The following SIPA1L1 variants were observed in gnomAD, a reference collection of about 807,000 sequenced individuals.
SIPA1L1 encodes the protein signal induced proliferation associated 1 like 1.
A neutral mutation model predicts 162.7 loss-of-function variants in SIPA1L1; 26 were observed. The observed-to-expected ratio is 0.16, with a 90% CI of 0.12 to 0.22. SIPA1L1 has a LOEUF of 0.22. Among genes scored for constraint, SIPA1L1 ranks in the 10% least tolerant of loss-of-function variants. The pLI, the probability that SIPA1L1 is intolerant of heterozygous loss-of-function variation, is 1.00. For missense variants in SIPA1L1, 1,874 were observed against 2,241.0 expected, an observed-to-expected ratio of 0.84 and a Z score of 3.31; for synonymous variants, 829 against 837.4, an observed-to-expected ratio of 0.99 and a Z score of 0.17.
At chr14:71,735,203 C>A in intron 21 of SIPA1L1, 74 bp from the exon 22 acceptor site, 1 of 965,828 alleles carries the variant, frequency 1.0e-6, no homozygotes, top group Non-Finnish European at 1.7e-6. Context: ...CCAACTAGAC[C>A]ACTTGTTGAC....
At chr14:71,467,211 ATTCT>A (rs1460022303) in intron 2 of SIPA1L1, 2 of 152,194 alleles carry the variant, frequency 1.3e-5, no homozygotes, top group African/African-American at 4.8e-5. Context: ...GCACCGTTGG[ATTCT>A]TTGTCGTTCA....
intron 2 of SIPA1L1, among the ~76,000 whole-genome samples, chr14:71,362,297 G>A (rs899286857): frequency 3.3e-5 from 5 of 152,200 alleles, no homozygotes; most frequent in African/African-American, 1.2e-4. Flanking sequence ...TAAAAAATGG[G>A]CAGTTTGATC....
At chr14:71,579,862 A>G (rs530252436) in intron 4 of SIPA1L1, among the ~76,000 whole-genome samples, 3 of 152,354 alleles carry the variant, frequency 2.0e-5, no homozygotes, top group South Asian at 2.1e-4. Flanking sequence ...AAACTGCACT[A>G]TCCTTAATAA....
At chr14:71,623,725 G>C (rs192522771) in intron 6 of SIPA1L1, among the ~76,000 whole-genome samples, 1 of 152,256 alleles carries the variant, frequency 6.6e-6, no homozygotes, top group East Asian at 1.9e-4. Flanking sequence ...TATGCATAGT[G>C]ACATGGTATA....
intron 12 of SIPA1L1, among the ~76,000 whole-genome samples, chr14:71,673,073 C>T (rs1385344503): frequency 6.6e-6 from 1 of 152,210 alleles, no homozygotes; most frequent in East Asian, 1.9e-4. Context: ...CCTTTGCTGT[C>T]TCAGTCTGGC....
At chr14:71,671,901 C>CTG (rs34919280) in intron 11 of SIPA1L1, among the ~76,000 whole-genome samples, 6,366 of 142,608 alleles carry the variant, frequency 0.045, 156 homozygotes, top group Non-Finnish European at 0.061. Flanking sequence ...CACATTTACT[C>CTG]TGTGTGTGTG....
At chr14:71,482,739 G>A (rs1434463984) in intron 2 of SIPA1L1, among the ~76,000 whole-genome samples, 2 of 152,132 alleles carry the variant, frequency 1.3e-5, no homozygotes, top group Non-Finnish European at 2.9e-5. Context: ...CCTTGTCTGG[G>A]TTCAAAGAAT....
intron 4 of SIPA1L1, among the ~76,000 whole-genome samples, chr14:71,564,029 C>T (rs1162700592): frequency 6.6e-6 from 1 of 152,186 alleles, no homozygotes; most frequent in African/African-American, 2.4e-5. Context: ...CTCACTGCAG[C>T]CTCCACCTTC....
chr14:71,373,155 C>A (rs764241387), intron 2 of SIPA1L1, among the ~76,000 whole-genome samples: 1 of 151,266 alleles, frequency 6.6e-6, no homozygotes, highest in Non-Finnish European at 1.5e-5. Flanking sequence ...ACTAAAAATA[C>A]AAAAAATTAG....
At chr14:71,513,058 T>C (rs1473595160) in intron 3 of SIPA1L1, among the ~76,000 whole-genome samples, 1 of 152,198 alleles carries the variant, frequency 6.6e-6, no homozygotes, top group East Asian at 1.9e-4. Context: ...CGTGTCTCCC[T>C]AAAACTAAGC....
chr14:71,528,374 G>C (rs2053098550), intron 3 of SIPA1L1, among the ~76,000 whole-genome samples: 1 of 152,146 alleles, frequency 6.6e-6, no homozygotes, highest in Non-Finnish European at 1.5e-5. Flanking sequence ...CTATTTTTCA[G>C]CTGGGCGCAG....
intron 12 of SIPA1L1, among the ~76,000 whole-genome samples, chr14:71,674,087 G>A (rs1436923061): frequency 6.6e-6 from 1 of 152,210 alleles, no homozygotes; most frequent in African/African-American, 2.4e-5. Flanking sequence ...ATAAATGGGA[G>A]AAGATAGCCA....
At chr14:71,414,382 G>GA (rs1050437187) in intron 2 of SIPA1L1, among the ~76,000 whole-genome samples, 12 of 151,056 alleles carry the variant, frequency 7.9e-5, no homozygotes, top group Non-Finnish European at 1.3e-4. Context: ...CCATCTCAGG[G>GA]AAAAAAAACA....
intron 2 of SIPA1L1, among the ~76,000 whole-genome samples, chr14:71,440,578 G>A (rs61989367): frequency 0.17 from 24,443 of 142,592 alleles, 2,596 homozygotes; most frequent in Middle Eastern, 0.37. Flanking sequence ...GAGCCTGGGA[G>A]GTCGAGGCTG....
chr14:71,430,520 C>G (rs2043907713), intron 2 of SIPA1L1, among the ~76,000 whole-genome samples: 1 of 152,082 alleles, frequency 6.6e-6, no homozygotes. Context: ...AAGCCAGGAG[C>G]CCAGCAGGGT....
At chr14:71,493,612 C>T (rs1373045570) in intron 2 of SIPA1L1, among the ~76,000 whole-genome samples, 2 of 152,202 alleles carry the variant, frequency 1.3e-5, no homozygotes, top group African/African-American at 4.8e-5. Flanking sequence ...ACCAAAGTAT[C>T]CCTCATCAGA....
intron 5 of SIPA1L1, among the ~76,000 whole-genome samples, chr14:71,591,686 A>G (rs1323350616): frequency 6.6e-6 from 1 of 152,216 alleles, no homozygotes; most frequent in Non-Finnish European, 1.5e-5. Context: ...ATGTTTGCCA[A>G]ACTCTTGTGA....
chr14:71,672,475 C>G lies in SIPA1L1; in HGVS notation c.2957C>G (p.Ala986Gly). 1 of 1,614,216 alleles carries G rather than the reference C, an allele frequency of 6.2e-7. No homozygotes were observed. The highest frequency in any genetic ancestry group is 8.5e-7 in the Non-Finnish European group (1 of 1,180,038). The stretch of plus-strand genomic sequence containing the variant: ...GAGCCCTACGGTTATGCCTGGCAGG[C>G]AGGGCTGAGGCAGGGCAGTCGCCTG... ...DVEPYGYAWQ[A>G]GLRQGSRLVE... Residue 986 changes from alanine to glycine, a missense_variant, in exon 12 of 24, where the codon GCA becomes GGA. Physicochemically the swap from Ala to Gly is moderately conservative, Grantham distance 60. This residue lies in a region of SIPA1L1 where 936 missense variants were observed against 1,051.9 expected (regional missense o/e 0.89). Transcript: ENST00000381232.
chr14:71,380,556 A>G (rs1390678170), intron 2 of SIPA1L1, among the ~76,000 whole-genome samples: 3 of 152,224 alleles, frequency 2.0e-5, no homozygotes, highest in African/African-American at 7.2e-5. Flanking sequence ...TCTGGACAAA[A>G]ATTTGGTTTT....
Sources: allele counts gnomAD v4.1 joint callset (sites outside exome capture counted in the v4.1 genomes callset), GRCh38; gene constraint gnomAD v4.1.1; regional missense constraint gnomAD v4.1.1; transcripts MANE v1.5; gene names NCBI Gene and HGNC (gene_info 2026-07-23, HGNC 2026-07-21).